TENM4: variants seen among roughly 807,000 people sequenced by gnomAD.
The protein encoded by TENM4 is teneurin-4.
Under a neutral mutation model 243.3 loss-of-function variants are expected in TENM4, and 82 were observed. That is an observed-to-expected ratio of 0.34 (90% confidence interval 0.28 to 0.40). The LOEUF (loss-of-function observed/expected upper bound fraction) is 0.40, where lower values mean the gene tolerates loss of function less well. Ranked by LOEUF, TENM4 falls within the 10% of genes least tolerant of loss-of-function variation. The pLI is 1.00. For missense variants in TENM4, 3,138 were observed against 3,673.3 expected (o/e 0.85, Z 3.77); for synonymous variants, 1,412 against 1,456.3 (o/e 0.97, Z 0.69).
At chr11:79,360,890 A>G (rs1857577217) in intron 1 of TENM4, among the ~76,000 whole-genome samples, 1 of 152,228 alleles carries the variant, frequency 6.6e-6, no homozygotes, top group African/African-American at 2.4e-5. Flanking sequence ...CTGTCTCTGA[A>G]TGATCTCTTC....
intron 1 of TENM4, among the ~76,000 whole-genome samples, chr11:79,300,057 A>G (rs918528006): frequency 6.6e-6 from 1 of 152,204 alleles, no homozygotes; most frequent in African/African-American, 2.4e-5. Flanking sequence ...CACCAACCTG[A>G]GTCAGAATTA....
chr11:79,301,801 CTCT>C (rs1311415376), intron 1 of TENM4, among the ~76,000 whole-genome samples: 1 of 152,190 alleles, frequency 6.6e-6, no homozygotes, highest in Non-Finnish European at 1.5e-5. Context: ...CCCTTGCTCC[CTCT>C]TCTTCCTCCT....
chr11:78,962,694 C>T (rs1341610800), intron 6 of TENM4, among the ~76,000 whole-genome samples: 2 of 152,224 alleles, frequency 1.3e-5, no homozygotes, highest in South Asian at 4.1e-4. Context: ...CAAACAGCTG[C>T]CCCTCTCTGG....
At chr11:79,190,785 G>A (rs1056867875) in intron 3 of TENM4, among the ~76,000 whole-genome samples, 8 of 94,754 alleles carry the variant, frequency 8.4e-5, no homozygotes, top group African/African-American at 2.9e-4. Context: ...TCCCTCTCCC[G>A]TCTCCCTCTC....
chr11:79,150,357 T>C (rs959313249), intron 3 of TENM4, among the ~76,000 whole-genome samples: 1 of 152,068 alleles, frequency 6.6e-6, no homozygotes, highest in Non-Finnish European at 1.5e-5. Flanking sequence ...GGGAGAGTGA[T>C]GTTTATGTCT....
intron 12 of TENM4, among the ~76,000 whole-genome samples, chr11:78,822,664 C>T (rs1857759081): frequency 6.6e-6 from 1 of 152,078 alleles, no homozygotes; most frequent in African/African-American, 2.4e-5. Context: ...AGCAAACCAC[C>T]ATGGCACACG....
chr11:79,409,104 G>A (rs746721065), intron 1 of TENM4, among the ~76,000 whole-genome samples: 12 of 49,396 alleles, frequency 2.4e-4, no homozygotes, highest in East Asian at 1.0e-3. Flanking sequence ...GTGTGTGTGC[G>A]CGCGCGCGCG....
Position 78,805,282 on chromosome 11 carries a change from C to CCCCCCCCCACCCCCCCCCCCCCTCTT in TENM4, c.2179+9_2179+10insAAGAGGGGGGGGGGGGGTGGGGGGGG. 1 of 995,562 alleles carries CCCCCCCCCACCCCCCCCCCCCCTCTT rather than the reference C, an allele frequency of 1.0e-6. No individual in the cohort carries two copies. Among genetic ancestry groups the CCCCCCCCCACCCCCCCCCCCCCTCTT allele is most frequent in the South Asian group, 3.2e-5 (1 of 30,968 alleles). The allele number at this position is 995,562 out of a possible 1,614,324, so 61.7% of individuals were successfully genotyped here. ...CCCTCTACCCATGCTTCTTCTCCCC[C>CCCCCCCCCACCCCCCCCCCCCCTCTT]TGCATTTACCGATAGAACAGTCGTG... On this transcript the variant is annotated intron_variant, in intron 15 of 33. Transcript: ENST00000278550.
chr11:78,930,526 G>C (rs1336461552), intron 6 of TENM4, among the ~76,000 whole-genome samples: 1 of 152,170 alleles, frequency 6.6e-6, no homozygotes, highest in African/African-American at 2.4e-5. Context: ...GTATGATCTT[G>C]ACAATGACTT....
At chr11:78,759,472 T>C (rs1478347231) in intron 18 of TENM4, among the ~76,000 whole-genome samples, 1 of 152,186 alleles carries the variant, frequency 6.6e-6, no homozygotes, top group Non-Finnish European at 1.5e-5. Context: ...TCATGGCTAA[T>C]TTGAAATTTT....
intron 6 of TENM4, among the ~76,000 whole-genome samples, chr11:78,975,596 A>ACC (rs1554985165): frequency 3.2e-5 from 4 of 124,334 alleles, no homozygotes; most frequent in Non-Finnish European, 6.8e-5. Flanking sequence ...GGATACACAC[A>ACC]CCCACACACA....
At chr11:79,134,319 AC>A (rs1565217405) in intron 4 of TENM4, among the ~76,000 whole-genome samples, 1 of 152,164 alleles carries the variant, frequency 6.6e-6, no homozygotes, top group African/African-American at 2.4e-5. Context: ...AAGGAAAACT[AC>A]ACAACACTGC....
At chr11:78,756,501 A>T in intron 19 of TENM4, 1 of 371,290 alleles carries the variant, frequency 2.7e-6, no homozygotes, top group Non-Finnish European at 5.1e-6. Flanking sequence ...GATCAGTAAG[A>T]GCTGACTGCA....
In TENM4 at chr11:78,805,281, C is replaced by CACCCACCACAA; in HGVS notation, c.2179+10_2179+11insTTGTGGTGGGT. The CACCCACCACAA allele has an allele frequency of 6.7e-6, 10 of 1,488,468 alleles. No homozygotes were observed. The highest frequency in any genetic ancestry group is 1.4e-5 in the African/African-American group (1 of 70,240). 92.2% of individuals were successfully genotyped at this position (1,488,468 alleles called of 1,614,324 possible). On this transcript the variant is annotated intron_variant, in intron 15 of 33. Coordinates refer to ENST00000278550, the MANE Select transcript of TENM4 (RefSeq NM_001098816.3). The stretch of plus-strand genomic sequence containing the variant: ...TCCCTCTACCCATGCTTCTTCTCCC[C>CACCCACCACAA]CTGCATTTACCGATAGAACAGTCGT...
chr11:79,078,583 C>CACA (rs1306364779), intron 4 of TENM4, among the ~76,000 whole-genome samples: 2 of 152,160 alleles, frequency 1.3e-5, no homozygotes, highest in South Asian at 4.1e-4. Flanking sequence ...CTCAAGTTCA[C>CACA]ACAACACACC....
intron 9 of TENM4, among the ~76,000 whole-genome samples, chr11:78,871,714 C>T (rs1859134213): frequency 6.6e-6 from 1 of 152,172 alleles, no homozygotes; most frequent in South Asian, 2.1e-4. Context: ...GTGAAGGGAA[C>T]CATCTCCTTG....
intron 1 of TENM4, among the ~76,000 whole-genome samples, chr11:79,353,062 C>T (rs1194839976): frequency 6.6e-6 from 1 of 152,048 alleles, no homozygotes; most frequent in East Asian, 1.9e-4. Context: ...AGCTGTCTCC[C>T]AGGTAGGGGG....
At chr11:78,728,597 A>T (rs1855578297) in intron 22 of TENM4, among the ~76,000 whole-genome samples, 1 of 149,554 alleles carries the variant, frequency 6.7e-6, no homozygotes, top group Admixed American at 6.7e-5. Context: ...TTCTAAAAAC[A>T]TTACTTCTCT....
At chr11:79,157,599 T>C (rs1334741901) in intron 3 of TENM4, among the ~76,000 whole-genome samples, 2 of 152,182 alleles carry the variant, frequency 1.3e-5, no homozygotes, top group Non-Finnish European at 2.9e-5. Flanking sequence ...TTCTTCACTG[T>C]GCATTGTCCT....
Sources: gnomAD v4.1 joint callset for allele counts (sites outside exome capture counted in the v4.1 genomes callset) on GRCh38, gnomAD v4.1.1 for gene constraint, MANE v1.5 for transcripts, NCBI Gene and HGNC (gene_info 2026-07-23, HGNC 2026-07-21) for gene names.